CSMD1: variants seen among roughly 807,000 people sequenced by gnomAD.
CSMD1 encodes the protein CUB and sushi domain-containing protein 1.
CSMD1 carries 213 observed loss-of-function variants against 417.5 expected under a neutral mutation model. That is an observed-to-expected ratio of 0.51 (90% CI 0.46 to 0.57). CSMD1 has a LOEUF of 0.57. Ranked by LOEUF, CSMD1 falls within the 20% of genes least tolerant of loss-of-function variation. The pLI, the probability that CSMD1 is intolerant of heterozygous loss-of-function variation, is 0.00. For missense variants in CSMD1, 6,923 were observed against 4,529.7 expected (o/e 1.53, Z -15.17); for synonymous variants, 2,862 against 1,736.8 (o/e 1.65, Z -16.11).
chr8:3,417,706 C>G (rs1303477165), intron 12 of CSMD1, among the ~76,000 whole-genome samples: 1 of 152,066 alleles, frequency 6.6e-6, no homozygotes, highest in Non-Finnish European at 1.5e-5. Context: ...CACACTGTGC[C>G]TGCTCTTAGA....
In CSMD1 at chr8:2,965,871, G is replaced by T; in HGVS notation, c.9184C>A (p.Gln3062Lys). 6.2e-7 allele frequency: 1 copy of T among 1,610,242 alleles called. No homozygotes were observed. Among genetic ancestry groups the T allele is most frequent in the Non-Finnish European group, 8.5e-7 (1 of 1,178,230 alleles). ...DFTFNKTVSY[Q>K]CNPGYVMEAV... The stretch of plus-strand genomic sequence containing the variant: ...TCCATGACATAGCCTGGGTTACACT[G>T]ATAGCTCACAGTCTTGTTGAAGGTG... Residue 3062 changes from glutamine to lysine, a missense_variant, in exon 59 of 70, where the codon CAG becomes AAG. Gln to Lys is a moderately conservative substitution (Grantham distance 53). Transcript: ENST00000635120.
intron 3 of CSMD1, among the ~76,000 whole-genome samples, chr8:4,315,902 A>C (rs1798896977): frequency 6.6e-6 from 1 of 152,218 alleles, no homozygotes; most frequent in Non-Finnish European, 1.5e-5. Flanking sequence ...TATAAAGCTA[A>C]AGATGCACTC....
chr8:3,629,346 G>C (rs1373329921), intron 7 of CSMD1, among the ~76,000 whole-genome samples: 4 of 152,172 alleles, frequency 2.6e-5, no homozygotes, highest in South Asian at 2.1e-4. Flanking sequence ...CTGACATTCA[G>C]ATACAGCGTC....
chr8:3,184,299 G>C (rs771393924), intron 36 of CSMD1, among the ~76,000 whole-genome samples: 1 of 152,024 alleles, frequency 6.6e-6, no homozygotes, highest in African/African-American at 2.4e-5. Flanking sequence ...GAGTTTATCA[G>C]CCAGATAAAC....
rs58890179 is a variant in CSMD1, at chr8:2,951,395, A to C, written c.10040-120T>G. 1.4e-3 allele frequency: 1,389 copies of C among 1,026,926 alleles called. 15 individuals carry two copies. In the African/African-American group the frequency reaches 0.019, roughly 14 times the overall value. 63.6% of individuals were successfully genotyped at this position (1,026,926 alleles called of 1,614,324 possible). A position where few individuals can be genotyped will look rare whatever the true frequency, so the allele number is the denominator to read the frequency against. ...GCGATCACAGATGAGGGCAGTGATG[A>C]AGACAAGAGGAGCCTAGTGCATCGC... On this transcript the variant is annotated intron_variant, in intron 65 of 69. Transcript: ENST00000635120.
rs140803868 is a variant in CSMD1 at position 4,484,665 on chromosome 8, G to C, written c.303-64600C>G. ...ATCTTCCTGCATGGTCCCTACCTGG[G>C]AAGATATTGAAAGAGGAAAAGTCAC... On this transcript the variant is annotated intron_variant, in intron 2 of 69. Coordinates refer to ENST00000635120, the MANE Select transcript of CSMD1 (RefSeq NM_033225.6). 5.1e-3 allele frequency among the ~76,000 whole-genome samples: 774 copies of C among 151,926 alleles called. 4 individuals are homozygous for C. Among genetic ancestry groups the C allele is most frequent in the African/African-American group, 0.018 (737 of 41,426 alleles).
chr8:2,965,786 G>A lies in CSMD1; in HGVS notation c.9269C>T (p.Pro3090Leu). 6.2e-7 allele frequency: 1 copy of A among 1,605,460 alleles called. No homozygotes were observed. Among genetic ancestry groups the A allele is most frequent in the Non-Finnish European group, 8.5e-7 (1 of 1,175,702 alleles). Residue 3090 changes from proline to leucine, a missense_variant, in exon 59 of 70, where the codon CCT becomes CTT. Coordinates refer to ENST00000635120, the MANE Select transcript of CSMD1 (RefSeq NM_033225.6). ...TKDGRWNPSK[P>L]VCKAVLCPQP... Reference sequence around the variant, plus strand: ...GTCACCAAACAAACCTTTGCAGACAGGTTTGCTCGGATTCCACCTGCCGTC... The same window carrying A: ...GTCACCAAACAAACCTTTGCAGACAAGTTTGCTCGGATTCCACCTGCCGTC...
chr8:4,962,886 G>A (rs969443387), intron 1 of CSMD1, among the ~76,000 whole-genome samples: 3 of 152,160 alleles, frequency 2.0e-5, no homozygotes, highest in African/African-American at 4.8e-5. Context: ...CTTAATTCCT[G>A]TAAAAAATAA....
intron 3 of CSMD1, among the ~76,000 whole-genome samples, chr8:4,272,995 G>T (rs1305254440): frequency 6.6e-6 from 1 of 152,132 alleles, no homozygotes; most frequent in Non-Finnish European, 1.5e-5. Context: ...GCTTAAAACA[G>T]CTATTGCGTC....
At chr8:3,824,945 A>G (rs1801968809) in intron 5 of CSMD1, among the ~76,000 whole-genome samples, 1 of 151,384 alleles carries the variant, frequency 6.6e-6, no homozygotes, top group Non-Finnish European at 1.5e-5. Flanking sequence ...AACAATGATT[A>G]ATCTGATTTT....
At chr8:3,585,489 A>G (rs1311077766) in intron 9 of CSMD1, among the ~76,000 whole-genome samples, 1 of 152,216 alleles carries the variant, frequency 6.6e-6, no homozygotes, top group Admixed American at 6.5e-5. Context: ...TCATTTTAAA[A>G]CAACCAAAAT....
At chr8:3,939,980 A>G (rs890654724) in intron 5 of CSMD1, among the ~76,000 whole-genome samples, 1 of 152,158 alleles carries the variant, frequency 6.6e-6, no homozygotes, top group African/African-American at 2.4e-5. Flanking sequence ...CCATGTAACC[A>G]AAAACCACCT....
At chr8:4,084,204 T>C (rs1346939599) in intron 3 of CSMD1, among the ~76,000 whole-genome samples, 1 of 152,136 alleles carries the variant, frequency 6.6e-6, no homozygotes, top group Non-Finnish European at 1.5e-5. Context: ...TTCCTGATTT[T>C]TCAGTTAGTT....
chr8:4,100,575 T>A (rs1047877803), intron 3 of CSMD1, among the ~76,000 whole-genome samples: 9 of 152,190 alleles, frequency 5.9e-5, no homozygotes, highest in African/African-American at 2.2e-4. Flanking sequence ...GAGAACAGCA[T>A]CACCTGGGAG....
At chr8:4,930,736 C>G (rs973306157) in intron 1 of CSMD1, among the ~76,000 whole-genome samples, 9 of 152,106 alleles carry the variant, frequency 5.9e-5, no homozygotes, top group African/African-American at 1.9e-4. Flanking sequence ...CTTTTAGATA[C>G]AAAAGGTTAC....
At chr8:3,867,628 T>C (rs1805193426) in intron 5 of CSMD1, among the ~76,000 whole-genome samples, 1 of 152,124 alleles carries the variant, frequency 6.6e-6, no homozygotes, top group Admixed American at 6.5e-5. Context: ...TATCTATATA[T>C]TTATATATCT....
At chr8:3,736,411 T>C (rs1226938437) in intron 6 of CSMD1, among the ~76,000 whole-genome samples, 2 of 150,428 alleles carry the variant, frequency 1.3e-5, no homozygotes, top group Non-Finnish European at 3.0e-5. Flanking sequence ...GCATGGCTAA[T>C]GTAAAAAAAA....
intron 2 of CSMD1, among the ~76,000 whole-genome samples, chr8:4,463,549 T>C (rs1437479756): frequency 1.3e-5 from 2 of 152,102 alleles, no homozygotes; most frequent in Non-Finnish European, 2.9e-5. Context: ...TCTATATCCA[T>C]CATATTAAAT....
chr8:4,231,056 G>C (rs1267498861), intron 3 of CSMD1, among the ~76,000 whole-genome samples: 2 of 152,114 alleles, frequency 1.3e-5, no homozygotes, highest in Non-Finnish European at 2.9e-5. Flanking sequence ...GGGAAAATTG[G>C]GGAAAGCGTT....
Sources: allele counts gnomAD v4.1 joint callset (sites outside exome capture counted in the v4.1 genomes callset), GRCh38; gene constraint gnomAD v4.1.1; transcripts MANE v1.5; gene names NCBI Gene and HGNC (gene_info 2026-07-23, HGNC 2026-07-21).